SLC24A2: variants seen among roughly 807,000 people sequenced by gnomAD.
SLC24A2 encodes the protein solute carrier family 24 member 2.
SLC24A2 carries 36 observed loss-of-function variants against 62.0 expected under a neutral mutation model. The observed-to-expected ratio is 0.58, with a 90% confidence interval of 0.44 to 0.77. The LOEUF (loss-of-function observed/expected upper bound fraction) is 0.77, where lower values mean the gene tolerates loss of function less well. Ranked by LOEUF, SLC24A2 falls within the 30% of genes least tolerant of loss-of-function variation. SLC24A2 has a pLI of 0.00. For missense variants in SLC24A2, 846 were observed against 817.9 expected, an observed-to-expected ratio of 1.03 and a Z score of -0.42; for synonymous variants, 358 against 294.0, an observed-to-expected ratio of 1.22 and a Z score of -2.23.
chr9:19,748,063 C>T (rs1296523723), intron 2 of SLC24A2, among the ~76,000 whole-genome samples: 2 of 152,242 alleles, frequency 1.3e-5, no homozygotes, highest in South Asian at 2.1e-4. Flanking sequence ...TTCCTATTTG[C>T]TGGTTCTGCA....
At chr9:19,971,436 A>C in the SLC24A2 span, among the ~76,000 whole-genome samples, 255 of 152,330 alleles carry the variant, frequency 1.7e-3, 1 homozygote, top group African/African-American at 5.8e-3. Context: ...TGTTATATGA[A>C]AGCTACAGTA....
At chr9:20,092,289 T>C in the SLC24A2 span, among the ~76,000 whole-genome samples, 1 of 152,364 alleles carries the variant, frequency 6.6e-6, no homozygotes, top group East Asian at 1.9e-4. Flanking sequence ...ATTCTTTTTC[T>C]TTCAACTTGT....
the SLC24A2 span, among the ~76,000 whole-genome samples, chr9:20,171,377 T>C: frequency 6.6e-6 from 1 of 151,526 alleles, no homozygotes; most frequent in Admixed American, 6.6e-5. Context: ...AATACTAAAG[T>C]TGAATGTAAA....
the SLC24A2 span, among the ~76,000 whole-genome samples, chr9:20,241,032 G>A: frequency 6.6e-6 from 1 of 152,126 alleles, no homozygotes; most frequent in African/African-American, 2.4e-5. Context: ...CTCTCCTCCT[G>A]GAAGAAAGCA....
At chr9:20,079,249 T>A in the SLC24A2 span, among the ~76,000 whole-genome samples, 1 of 152,150 alleles carries the variant, frequency 6.6e-6, no homozygotes, top group Non-Finnish European at 1.5e-5. Flanking sequence ...CCTTCAGAAC[T>A]CTGAGAAAAT....
chr9:20,233,324 G>A, the SLC24A2 span, among the ~76,000 whole-genome samples: 2 of 151,950 alleles, frequency 1.3e-5, no homozygotes, highest in Admixed American at 1.3e-4. Flanking sequence ...TTGACAGTGG[G>A]GTGTTAAAGT....
At chr9:19,707,751 A>G (rs1820577792) in intron 2 of SLC24A2, among the ~76,000 whole-genome samples, 1 of 152,228 alleles carries the variant, frequency 6.6e-6, no homozygotes, top group Non-Finnish European at 1.5e-5. Flanking sequence ...GATGGGATGT[A>G]TCTCAAAATA....
chr9:19,684,859 G>T (rs1397976189), intron 2 of SLC24A2, among the ~76,000 whole-genome samples: 2 of 151,966 alleles, frequency 1.3e-5, no homozygotes, highest in Non-Finnish European at 2.9e-5. Flanking sequence ...GAGCAAGCAG[G>T]CAAGAGAAAG....
At chr9:19,891,548 G>A in the SLC24A2 span, among the ~76,000 whole-genome samples, 1 of 152,224 alleles carries the variant, frequency 6.6e-6, no homozygotes, top group East Asian at 1.9e-4. Context: ...TGTGAGAGAG[G>A]GAGGAAGAGG....
rs1589114391 is a variant in SLC24A2 at position 19,515,692 on chromosome 9, T to C, written c.*461A>G. 1 of 151,864 alleles carries C rather than the reference T, an allele frequency of 6.6e-6. No homozygotes were observed. The highest frequency in any genetic ancestry group is 1.5e-5 in the Non-Finnish European group (1 of 68,098). 9.4% of individuals were successfully genotyped at this position (151,864 alleles called of 1,614,324 possible). The stretch of plus-strand genomic sequence containing the variant: ...CATTTGTACTTTTATATATATCTGA[T>C]TTTATATATATATATATAATTTTTC... On this transcript the variant is annotated 3_prime_UTR_variant, in exon 11 of 11. Coordinates refer to ENST00000341998, the MANE Select transcript of SLC24A2 (RefSeq NM_020344.4).
At chr9:20,280,917 G>C in the SLC24A2 span, among the ~76,000 whole-genome samples, 1 of 152,106 alleles carries the variant, frequency 6.6e-6, no homozygotes, top group Non-Finnish European at 1.5e-5. Flanking sequence ...AGGAGACAAG[G>C]GATAGAATTT....
chr9:20,227,410 C>T, the SLC24A2 span, among the ~76,000 whole-genome samples: 49 of 151,798 alleles, frequency 3.2e-4, 1 homozygote, highest in African/African-American at 1.2e-3. Context: ...CCCAACTGGC[C>T]TCAAGAATAT....
intron 9 of SLC24A2, among the ~76,000 whole-genome samples, chr9:19,525,639 A>C (rs1327713565): frequency 6.6e-6 from 1 of 151,798 alleles, no homozygotes; most frequent in Non-Finnish European, 1.5e-5. Flanking sequence ...CCTGGGGTCA[A>C]GGGATCTGCC....
the SLC24A2 span, among the ~76,000 whole-genome samples, chr9:20,237,783 A>G: frequency 6.6e-6 from 1 of 152,108 alleles, no homozygotes; most frequent in Non-Finnish European, 1.5e-5. Flanking sequence ...TCTTAGCCCT[A>G]TCTTCATAGG....
intron 2 of SLC24A2, among the ~76,000 whole-genome samples, chr9:19,703,392 G>C (rs572217156): frequency 6.6e-6 from 1 of 152,172 alleles, no homozygotes; most frequent in Non-Finnish European, 1.5e-5. Flanking sequence ...TGGAGTGAGA[G>C]GGGTTGCAGA....
chr9:19,876,683 A>G, the SLC24A2 span, among the ~76,000 whole-genome samples: 1 of 152,164 alleles, frequency 6.6e-6, no homozygotes, highest in African/African-American at 2.4e-5. Flanking sequence ...TTATTACATT[A>G]CACAGCTTTC....
At chr9:20,198,396 T>C in the SLC24A2 span, among the ~76,000 whole-genome samples, 1 of 152,194 alleles carries the variant, frequency 6.6e-6, no homozygotes, top group Non-Finnish European at 1.5e-5. Flanking sequence ...GCTCTTCCTT[T>C]CCTTAGATCA....
At chr9:19,907,180 A>T in the SLC24A2 span, among the ~76,000 whole-genome samples, 1 of 152,214 alleles carries the variant, frequency 6.6e-6, no homozygotes, top group African/African-American at 2.4e-5. Context: ...ACATACGAAA[A>T]TCAATAAACG....
At chr9:19,992,489 A>T in the SLC24A2 span, among the ~76,000 whole-genome samples, 1 of 152,202 alleles carries the variant, frequency 6.6e-6, no homozygotes, top group African/African-American at 2.4e-5. Context: ...ATATACAAAC[A>T]ATTTACCGTT....
Sources: allele counts gnomAD v4.1 joint callset (sites outside exome capture counted in the v4.1 genomes callset), GRCh38; gene constraint gnomAD v4.1.1; transcripts MANE v1.5; gene names NCBI Gene and HGNC (gene_info 2026-07-23, HGNC 2026-07-21).